LOC122539214: variants seen among roughly 807,000 people sequenced by gnomAD.
At chr19:52,687,313 CCGTTTTA>C in the LOC122539214 span, among the ~76,000 whole-genome samples, 2 of 136,868 alleles carry the variant, frequency 1.5e-5, no homozygotes, top group Non-Finnish European at 3.1e-5. Flanking sequence ...ATTTAAAACC[CCGTTTTA>C]CAATTATATA....
chr19:52,661,959 G>A, the LOC122539214 span, among the ~76,000 whole-genome samples: 2 of 152,182 alleles, frequency 1.3e-5, no homozygotes, highest in Non-Finnish European at 2.9e-5. Flanking sequence ...CCTGAGACAG[G>A]AGCAACCTCA....
At chr19:52,651,363 A>G in the LOC122539214 span, 1 of 152,242 alleles carries the variant, frequency 6.6e-6, no homozygotes, top group Admixed American at 6.5e-5. Flanking sequence ...AAGGATTTAC[A>G]GATTCTCCTA....
At chr19:52,674,347 T>C in the LOC122539214 span, 1 of 152,244 alleles carries the variant, frequency 6.6e-6, no homozygotes, top group Non-Finnish European at 1.5e-5. Context: ...AAAAATTGAA[T>C]GCTTTTCCTG....
chr19:52,659,342 C>T, the LOC122539214 span, among the ~76,000 whole-genome samples: 1 of 152,070 alleles, frequency 6.6e-6, no homozygotes, highest in Non-Finnish European at 1.5e-5. Flanking sequence ...TTGGTGCCCA[C>T]TCGAGGTTAC....
At chr19:52,654,452 A>G in the LOC122539214 span, 1 of 708,806 alleles carries the variant, frequency 1.4e-6, no homozygotes, top group Non-Finnish European at 2.2e-6. Flanking sequence ...CAGATGGTAA[A>G]TAATATTTAA....
chr19:52,661,700 C>A, the LOC122539214 span, among the ~76,000 whole-genome samples: 2 of 152,184 alleles, frequency 1.3e-5, no homozygotes, highest in Non-Finnish European at 2.9e-5. Flanking sequence ...CTGCTCTCCC[C>A]TTGGGGACTT....
At chr19:52,655,711 C>A in the LOC122539214 span, 2 of 920,740 alleles carry the variant, frequency 2.2e-6, no homozygotes, top group Non-Finnish European at 3.5e-6. Flanking sequence ...CACATTTCAA[C>A]AAAACATTAG....
the LOC122539214 span, chr19:52,653,041 T>C: frequency 6.8e-7 from 1 of 1,478,186 alleles, no homozygotes; most frequent in Non-Finnish European, 9.4e-7. Context: ...ATTAAAAACC[T>C]TGCCACATTC....
the LOC122539214 span, among the ~76,000 whole-genome samples, chr19:52,682,095 T>A: frequency 6.6e-6 from 1 of 152,032 alleles, no homozygotes; most frequent in African/African-American, 2.4e-5. Context: ...ATTCACCCTC[T>A]TCAGCCTCCC....
chr19:52,656,330 T>A, the LOC122539214 span, among the ~76,000 whole-genome samples: 2 of 151,934 alleles, frequency 1.3e-5, no homozygotes, highest in Non-Finnish European at 2.9e-5. Flanking sequence ...GAGACCAACC[T>A]GGGCTACATT....
At chr19:52,652,531 A>G in the LOC122539214 span, 1 of 454,636 alleles carries the variant, frequency 2.2e-6, no homozygotes. Flanking sequence ...AGCTTGACTG[A>G]AGACCTTGCT....
the LOC122539214 span, among the ~76,000 whole-genome samples, chr19:52,657,144 T>C: frequency 6.6e-6 from 1 of 151,002 alleles, no homozygotes; most frequent in Non-Finnish European, 1.5e-5. Context: ...TGGAAGCTCA[T>C]TGAATTAAGA....
chr19:52,676,666 C>G, the LOC122539214 span, among the ~76,000 whole-genome samples: 2 of 139,290 alleles, frequency 1.4e-5, 1 homozygote, highest in Non-Finnish European at 3.2e-5. Flanking sequence ...ATGACAATGG[C>G]GGCTTTGTGG....
the LOC122539214 span, among the ~76,000 whole-genome samples, chr19:52,680,750 C>T: frequency 6.0e-4 from 85 of 142,682 alleles, 1 homozygote; most frequent in Non-Finnish European, 3.0e-4. Context: ...GTAACTGGGA[C>T]TACAGGCGCC....
chr19:52,660,047 G>A, the LOC122539214 span, among the ~76,000 whole-genome samples: 2 of 151,982 alleles, frequency 1.3e-5, no homozygotes, highest in African/African-American at 2.4e-5. Flanking sequence ...AAAAATTAGC[G>A]GGGTGTGGTG....
chr19:52,664,932 A>T, the LOC122539214 span, among the ~76,000 whole-genome samples: 1 of 152,284 alleles, frequency 6.6e-6, no homozygotes, highest in Non-Finnish European at 1.5e-5. Flanking sequence ...CTCCCTGAGA[A>T]GTGAACATGG....
chr19:52,652,073 C>T, the LOC122539214 span: 5 of 241,924 alleles, frequency 2.1e-5, no homozygotes, highest in East Asian at 7.7e-4. Context: ...GACATTGCCA[C>T]ACCTATTCCA....
chr19:52,655,935 G>A, the LOC122539214 span, among the ~76,000 whole-genome samples: 2 of 151,950 alleles, frequency 1.3e-5, no homozygotes, highest in Non-Finnish European at 2.9e-5. Context: ...ATATGTCTGG[G>A]CACGGTGGCT....
the LOC122539214 span, among the ~76,000 whole-genome samples, chr19:52,668,664 G>C: frequency 6.6e-6 from 1 of 152,166 alleles, no homozygotes; most frequent in Non-Finnish European, 1.5e-5. Context: ...GCAAACCATA[G>C]CTATTGAAAC....
Sources: allele counts gnomAD v4.1 joint callset (sites outside exome capture counted in the v4.1 genomes callset), GRCh38; gene constraint gnomAD v4.1.1; transcripts MANE v1.5.